SLC36A3: variants seen among roughly 807,000 people sequenced by gnomAD.
SLC36A3 encodes solute carrier family 36 member 3.
Under a neutral mutation model 44.3 loss-of-function variants are expected in SLC36A3, and 35 were observed. The ratio of observed to expected loss-of-function variants is 0.79; its 90% CI spans 0.60 to 1.05. The LOEUF is 1.05. Among genes scored for constraint, SLC36A3 ranks in the 50% least tolerant of loss-of-function variants. SLC36A3 has a pLI of 0.00. For missense variants in SLC36A3, 540 were observed against 578.7 expected, an observed-to-expected ratio of 0.93 and a Z score of 0.69; for synonymous variants, 211 against 227.6, an observed-to-expected ratio of 0.93 and a Z score of 0.66.
At position 151,288,410 on chromosome 5, in the gene SLC36A3, CATAAA is replaced by C; in HGVS notation, c.460_464del (p.Phe154ValfsTer77). ...CCTGTTGTAAATTGTCTGCCATAAA[CATAAA>C]ATAAACACTGCAGAAGCCCAGCTGG... On this transcript the variant is annotated frameshift_variant, in exon 5 of 10. Coordinates refer to ENST00000335230, the MANE Select transcript of SLC36A3 (RefSeq NM_181774.4). LOFTEE classifies it high-confidence loss of function. 1 of 1,602,032 alleles carries C rather than the reference CATAAA, an allele frequency of 6.2e-7. No homozygotes were observed. The highest frequency in any genetic ancestry group is 1.1e-5 in the South Asian group (1 of 88,536).
intron 9 of SLC36A3, among the ~76,000 whole-genome samples, chr5:151,280,645 C>T (rs1754274160): frequency 1.3e-5 from 2 of 152,156 alleles, no homozygotes; most frequent in South Asian, 4.1e-4. Context: ...GTGTGTATGA[C>T]TCAGGTGTGT....
intron 4 of SLC36A3, among the ~76,000 whole-genome samples, chr5:151,289,495 CA>C (rs34426580): frequency 1.7e-4 from 25 of 143,022 alleles, no homozygotes; most frequent in East Asian, 6.0e-4. Context: ...GAATCTGCCT[CA>C]AAAAAAAAAA....
At chr5:151,293,237 G>A (rs1331220370) in intron 4 of SLC36A3, 127 bp downstream of exon 4, 2 of 777,346 alleles carry the variant, frequency 2.6e-6, no homozygotes, top group South Asian at 2.0e-5. Flanking sequence ...GGGTTATCGA[G>A]GTGATTCTCT....
chr5:151,299,264 C>CTCTCTCTCTATATATATATATA (rs1372309288), intron 1 of SLC36A3, among the ~76,000 whole-genome samples: 18 of 59,626 alleles, frequency 3.0e-4, no homozygotes, highest in African/African-American at 6.8e-4. Flanking sequence ...CTCTCTCTCT[C>CTCTCTCTCTATATATATATATA]TATATATATA....
chr5:151,298,399 T>G, intron 2 of SLC36A3, 194 bp downstream of exon 2: 1 of 572,418 alleles, frequency 1.7e-6, no homozygotes, highest in Non-Finnish European at 3.1e-6. Flanking sequence ...TCTTTAAGAG[T>G]AATGGTGTGC....
At chr5:151,282,031 C>T (rs1754336503) in intron 8 of SLC36A3, among the ~76,000 whole-genome samples, 1 of 151,246 alleles carries the variant, frequency 6.6e-6, no homozygotes. Flanking sequence ...TGCATATCCA[C>T]ACACACACAT....
At chr5:151,277,763 G>A in intron 9 of SLC36A3, 102 bp from the exon 10 acceptor site, 3 of 1,428,330 alleles carry the variant, frequency 2.1e-6, no homozygotes, top group Admixed American at 2.1e-5. Flanking sequence ...CCACTTTGGA[G>A]AGGTGGGAGG....
chr5:151,292,977 T>C (rs1754814061), intron 4 of SLC36A3, among the ~76,000 whole-genome samples: 1 of 152,026 alleles, frequency 6.6e-6, no homozygotes, highest in African/African-American at 2.4e-5. Context: ...AGAGTGAAAC[T>C]CTGTCCCTCC....
At chr5:151,296,390 C>G (rs150426174) in intron 2 of SLC36A3, 122 bp from the exon 3 acceptor site, 1 of 777,870 alleles carries the variant, frequency 1.3e-6, no homozygotes. Flanking sequence ...GTGACAGACC[C>G]AGCCTGAATG....
intron 6 of SLC36A3, among the ~76,000 whole-genome samples, chr5:151,285,968 T>C (rs1373633348): frequency 1.4e-5 from 2 of 145,982 alleles, no homozygotes; most frequent in Non-Finnish European, 3.0e-5. Flanking sequence ...GAAAATAAAT[T>C]TGTGTTTTTT....
In SLC36A3 at chr5:151,296,237, A is replaced by G. The variant is rs201252776; in HGVS notation, c.251T>C (p.Val84Ala). Residue 84 changes from valine to alanine, a missense_variant, in exon 3 of 10, where the codon GTC (valine) becomes GCC (alanine). By Grantham distance (64) the Val-to-Ala change is moderately conservative (BLOSUM62 0). Transcript: ENST00000335230. ...VGPVSLLAIG[V>A]LTVHCMVILL... ...GATGACCATGCAGTGCACGGTGAGG[A>G]CCCCGATGGCCAGAAGGCTGACAGG... 94 of 1,614,000 alleles carry G rather than the reference A, an allele frequency of 5.8e-5. No homozygotes were observed. The Admixed American group carries it at 1.0e-3, about 18-fold the overall frequency.
chr5:151,277,270 G>T lies in SLC36A3; in HGVS notation c.*123C>A. On this transcript the variant is annotated 3_prime_UTR_variant, in exon 10 of 10. Coordinates refer to ENST00000335230, the MANE Select transcript of SLC36A3 (RefSeq NM_181774.4). ...ACTTTTCTCATCTGCATTTCTCTTGGAAAGATAAAGACGCCACTAATTAAT... is the reference window on the plus strand; with the variant it reads ...ACTTTTCTCATCTGCATTTCTCTTGTAAAGATAAAGACGCCACTAATTAAT... 7.7e-7 allele frequency: 1 copy of T among 1,302,182 alleles called. No individual in the cohort carries two copies. The highest frequency in any genetic ancestry group is 1.1e-6 in the Non-Finnish European group (1 of 945,966). The allele number at this position is 1,302,182 out of a possible 1,614,324, so 80.7% of individuals were successfully genotyped here. A position where few individuals can be genotyped will look rare whatever the true frequency, so the allele number is the denominator to read the frequency against.
chr5:151,285,942 C>A (rs773182464), intron 6 of SLC36A3, among the ~76,000 whole-genome samples: 2 of 151,762 alleles, frequency 1.3e-5, no homozygotes, highest in Admixed American at 6.6e-5. Flanking sequence ...TTCAACCTAG[C>A]GAGACTCAAG....
chr5:151,281,150 G>A lies in SLC36A3; in HGVS notation c.1008C>T (p.Ile336=), dbSNP rs748413637. ...GGAGGGCATAGGTGAAGAAGATGCC[G>A]ATAGAGTACATCAGCTTGACTGACT... ...LYQSVKLMYS[I]GIFFTYALQF... Residue 336 remains isoleucine, a synonymous_variant, in exon 9 of 10, where the codon ATC becomes ATT. Transcript: ENST00000335230. 62 of 1,613,496 alleles carry A rather than the reference G, an allele frequency of 3.8e-5. No homozygotes were observed. Among genetic ancestry groups the A allele is most frequent in the Admixed American group, 8.3e-5 (5 of 59,972 alleles).
intron 3 of SLC36A3, among the ~76,000 whole-genome samples, chr5:151,294,144 C>G (rs982142450): frequency 6.6e-6 from 1 of 152,178 alleles, no homozygotes; most frequent in Non-Finnish European, 1.5e-5. Flanking sequence ...CCAACATGAC[C>G]CTCAGGTAGC....
chr5:151,299,395 T>TATATATA lies in SLC36A3; in HGVS notation c.129-719_129-713dup, dbSNP rs1561641046. Among the ~76,000 whole-genome samples, 84 of 134,538 alleles carry TATATATA rather than the reference T, an allele frequency of 6.2e-4. No homozygotes were observed. In the East Asian group the frequency reaches 0.012, roughly 20 times the overall value. The allele number at this position is 134,538 out of a possible 152,430, so 88.3% of individuals were successfully genotyped here. ...GTGATATATATATATATATATATATTATATATATATGAATTGCTATATATC... is the reference window on the plus strand; with the variant it reads ...GTGATATATATATATATATATATATTATATATAATATATATATGAATTGCTATATATC... On this transcript the variant is annotated intron_variant, in intron 1 of 9. Transcript: ENST00000335230.
chr5:151,278,278 A>T (rs2127250844), intron 9 of SLC36A3, among the ~76,000 whole-genome samples: 1 of 150,726 alleles, frequency 6.6e-6, no homozygotes, highest in East Asian at 2.3e-4. Flanking sequence ...TAAAACACAA[A>T]GACAGCATTA....
At position 151,303,309 on chromosome 5, in the gene SLC36A3, C is replaced by T. The variant is rs769669460; in HGVS notation, c.46G>A (p.Asp16Asn). ...TCTGAGGGTGACTGAGGTCCGTTGT[C>T]CAAGGAGTTCAGCTCACTGTTGTAG... The part of the protein sequence containing the change: ...RDYNSELNSL[D>N]NGPQSPSESS... Residue 16 changes from aspartate (D) to asparagine (N), a missense_variant, in exon 1 of 10, where the codon GAC becomes AAC. By Grantham distance (23) the Asp-to-Asn change is conservative. Transcript: ENST00000335230. The T allele has an allele frequency of 1.9e-6, 3 of 1,614,092 alleles. No homozygotes were observed. The highest frequency in any genetic ancestry group is 1.3e-5 in the African/African-American group (1 of 75,030).
Position 151,293,345 on chromosome 5 carries a change from C to T in SLC36A3, c.404+19G>A, listed in dbSNP as rs748178414. On this transcript the variant is annotated intron_variant, in intron 4 of 9. Coordinates refer to ENST00000335230, the MANE Select transcript of SLC36A3 (RefSeq NM_181774.4). ...ATGATGATTTTTGTTGTTACTACTACAACATCTGTGACTACTACCTTCCCC... is the reference window on the plus strand; with the variant it reads ...ATGATGATTTTTGTTGTTACTACTATAACATCTGTGACTACTACCTTCCCC... 5 of 1,599,384 alleles carry T rather than the reference C, an allele frequency of 3.1e-6. No individual in the cohort carries two copies. The South Asian group carries it at 4.5e-5, about 14-fold the overall frequency.
Sources: allele counts gnomAD v4.1 joint callset (sites outside exome capture counted in the v4.1 genomes callset), GRCh38; gene constraint gnomAD v4.1.1; transcripts MANE v1.5; gene names NCBI Gene and HGNC (gene_info 2026-07-23, HGNC 2026-07-21).